The following DZIP1L variants were observed in gnomAD, a reference collection of about 807,000 sequenced individuals.
DZIP1L encodes the protein DAZ interacting zinc finger protein 1 like, also known as cilium assembly protein DZIP1L.
Under a neutral mutation model 88.7 loss-of-function variants are expected in DZIP1L, and 90 were observed. The ratio of observed to expected loss-of-function variants is 1.02; its 90% confidence interval spans 0.86 to 1.21. The LOEUF is 1.21. Ranked by LOEUF, DZIP1L falls within the 50% of genes most tolerant of loss-of-function variation. DZIP1L has a pLI of 0.00. For synonymous variants in DZIP1L, 363 were observed against 372.1 expected (o/e 0.98, Z 0.28); for missense variants, 932 against 955.8 (o/e 0.98, Z 0.33).
intron 7 of DZIP1L, 30 bp downstream of exon 7, chr3:138,086,931 A>G (rs752120638): frequency 6.1e-5 from 99 of 1,611,482 alleles, no homozygotes; most frequent in Non-Finnish European, 8.3e-5. Context: ...CAGGAAACCA[A>G]GCTCCCCGAG....
chr3:138,085,996 C>G (rs1943914285), intron 7 of DZIP1L, among the ~76,000 whole-genome samples: 2 of 151,952 alleles, frequency 1.3e-5, no homozygotes, highest in Non-Finnish European at 2.9e-5. Flanking sequence ...TCTCAGTAAA[C>G]TATCACAAGA....
At chr3:138,093,937 G>A (rs554455174) in intron 4 of DZIP1L, among the ~76,000 whole-genome samples, 46 of 152,280 alleles carry the variant, frequency 3.0e-4, no homozygotes, top group Non-Finnish European at 5.7e-4. Flanking sequence ...TGTGGTCAGT[G>A]GAGTAGTGCT....
chr3:138,083,180 T>C lies in DZIP1L; in HGVS notation c.1203+933A>G, dbSNP rs77857569. Among the ~76,000 whole-genome samples the C allele has an allele frequency of 5.7e-3, 871 of 152,354 alleles. 3 individuals are homozygous for C. Among genetic ancestry groups the C allele is most frequent in the Admixed American group, 9.0e-3 (137 of 15,306 alleles). The stretch of plus-strand genomic sequence containing the variant: ...GCAGGGAACACTGTGGAAACTCTGC[T>C]GTGGTTTCCTCCTTAGGAAACCTCC... On this transcript the variant is annotated intron_variant, in intron 8 of 15. Coordinates refer to ENST00000327532, the MANE Select transcript of DZIP1L (RefSeq NM_173543.3).
intron 7 of DZIP1L, among the ~76,000 whole-genome samples, chr3:138,085,870 A>G (rs1943907991): frequency 6.6e-6 from 1 of 152,212 alleles, no homozygotes; most frequent in Admixed American, 6.5e-5. Flanking sequence ...ATGTCCATCA[A>G]TGATAGACTG....
rs759643891 is a variant in DZIP1L at position 138,067,652 on chromosome 3, C to A, written c.1881G>T (p.Gln627His). 2 of 1,609,132 alleles carry A rather than the reference C, an allele frequency of 1.2e-6. No individual in the cohort carries two copies. Among genetic ancestry groups the A allele is most frequent in the African/African-American group, 1.3e-5 (1 of 74,714 alleles). Reference sequence around the variant, plus strand: ...CTTTTGGGGGCTGTAGAGACACACGCTGCACACGGTCTCCCTCTGAGTCCT... The same window carrying A: ...CTTTTGGGGGCTGTAGAGACACACGATGCACACGGTCTCCCTCTGAGTCCT... Reference protein sequence around the residue: ...SEEDSEGDRVQRVSLQPPKVP... With the variant: ...SEEDSEGDRVHRVSLQPPKVP... The change falls in exon 14 of 16, where the codon CAG becomes CAT. Residue 627 changes from glutamine (Q) to histidine (H), a missense_variant. Coordinates refer to ENST00000327532, the MANE Select transcript of DZIP1L (RefSeq NM_173543.3).
At chr3:138,094,278 G>A (rs1452509817) in intron 4 of DZIP1L, among the ~76,000 whole-genome samples, 1 of 152,210 alleles carries the variant, frequency 6.6e-6, no homozygotes, top group Non-Finnish European at 1.5e-5. Context: ...AAATGATGCT[G>A]ATAAACTTGC....
intron 1 of DZIP1L, among the ~76,000 whole-genome samples, chr3:138,109,920 A>C (rs186136242): frequency 1.3e-5 from 2 of 152,226 alleles, no homozygotes; most frequent in African/African-American, 4.8e-5. Flanking sequence ...GAGAACACAC[A>C]GACACAGGGA....
intron 1 of DZIP1L, among the ~76,000 whole-genome samples, chr3:138,105,769 A>G (rs2042466145): frequency 6.6e-6 from 1 of 152,116 alleles, no homozygotes; most frequent in Admixed American, 6.5e-5. Flanking sequence ...AAAGACTCAT[A>G]TTTGTTATAA....
chr3:138,086,895 G>T, intron 7 of DZIP1L, 66 bp downstream of exon 7: 1 of 1,547,050 alleles, frequency 6.5e-7, no homozygotes, highest in Non-Finnish European at 8.9e-7. Flanking sequence ...GGGGCGTGGA[G>T]AATGCTGAAT....
Position 138,065,261 on chromosome 3 carries a change from G to C in DZIP1L, c.2003-494C>G, listed in dbSNP as rs1942844362. ...AGATCCCTGATGCCTGGCACACCAAGGTAATGTATGAACCTCAGGAATGAC... is the reference window on the plus strand; with the variant it reads ...AGATCCCTGATGCCTGGCACACCAACGTAATGTATGAACCTCAGGAATGAC... On this transcript the variant is annotated intron_variant, in intron 14 of 15. Coordinates refer to ENST00000327532, the MANE Select transcript of DZIP1L (RefSeq NM_173543.3). Among the ~76,000 whole-genome samples, 3 of 152,150 alleles carry C rather than the reference G, an allele frequency of 2.0e-5. No individual in the cohort carries two copies. The South Asian group carries it at 6.2e-4, about 32-fold the overall frequency.
rs1559864261 is a variant in DZIP1L, at chr3:138,106,120, C to CTTCTTTCT, written c.-81-2076_-81-2069dup. ...GTCTTTCGAGATTACATGATTCAGT[C>CTTCTTTCT]TTCTTTCTTTTTTTTTTTTTTTTTT... On this transcript the variant is annotated intron_variant, in intron 1 of 15. Transcript: ENST00000327532. Among the ~76,000 whole-genome samples the CTTCTTTCT allele has an allele frequency of 2.6e-4, 30 of 117,478 alleles. 1 individual carries two copies. The highest frequency in any genetic ancestry group is 9.3e-4 in the African/African-American group (29 of 31,060). 77.1% of individuals were successfully genotyped at this position (117,478 alleles called of 152,430 possible).
chr3:138,093,397 G>A (rs963754926), intron 4 of DZIP1L, among the ~76,000 whole-genome samples: 1 of 152,206 alleles, frequency 6.6e-6, no homozygotes, highest in Non-Finnish European at 1.5e-5. Flanking sequence ...AGCACAGGTA[G>A]AGTAGAGCTA....
At chr3:138,071,993 G>T (rs952197739) in intron 11 of DZIP1L, among the ~76,000 whole-genome samples, 158 bp from the exon 12 acceptor site, 1 of 152,188 alleles carries the variant, frequency 6.6e-6, no homozygotes, top group Admixed American at 6.5e-5. Flanking sequence ...TCAGAGAAGG[G>T]TAAGCAGCGG....
At position 138,103,395 on chromosome 3, in the gene DZIP1L, G is replaced by A; in HGVS notation, c.501+76C>T. Reference sequence around the variant, plus strand: ...GCAGCCTTAAGGTCCCAGCAGTGCTGCCCAGTGGCAACAGTTGCCCCAGTG... The same window carrying A: ...GCAGCCTTAAGGTCCCAGCAGTGCTACCCAGTGGCAACAGTTGCCCCAGTG... On this transcript the variant is annotated intron_variant, in intron 2 of 15. Transcript: ENST00000327532. 10 of 1,494,650 alleles carry A rather than the reference G, an allele frequency of 6.7e-6. 1 individual carries two copies. In the South Asian group the frequency reaches 1.1e-4, roughly 17 times the overall value. 92.6% of individuals were successfully genotyped at this position (1,494,650 alleles called of 1,614,324 possible).
intron 11 of DZIP1L, among the ~76,000 whole-genome samples, chr3:138,073,827 T>C (rs756519615): frequency 1.3e-5 from 2 of 151,850 alleles, no homozygotes; most frequent in Non-Finnish European, 2.9e-5. Flanking sequence ...ATACAAGAGA[T>C]GAAAGGAAAA....
At chr3:138,080,241 A>T in intron 10 of DZIP1L, 1 of 237,584 alleles carries the variant, frequency 4.2e-6, no homozygotes, top group Non-Finnish European at 8.5e-6. Flanking sequence ...GCATAGTCGC[A>T]GGTGAGAGTC....
In DZIP1L at chr3:138,104,003, G is replaced by A. The variant is rs769639043; in HGVS notation, c.-32C>T. 2.5e-6 allele frequency: 4 copies of A among 1,582,472 alleles called. No individual in the cohort carries two copies. Among genetic ancestry groups the A allele is most frequent in the Admixed American group, 1.8e-5 (1 of 55,864 alleles). On this transcript the variant is annotated 5_prime_UTR_variant, in exon 2 of 16. Coordinates refer to ENST00000327532, the MANE Select transcript of DZIP1L (RefSeq NM_173543.3). Reference sequence around the variant, plus strand: ...AGGAAGCCCTGAGCTGACCACCAGAGGAGGGGGGCACCAAGGCCACGGCAG... The same window carrying A: ...AGGAAGCCCTGAGCTGACCACCAGAAGAGGGGGGCACCAAGGCCACGGCAG...
chr3:138,082,132 A>G lies in DZIP1L; in HGVS notation c.1204-368T>C, dbSNP rs139814777. Among the ~76,000 whole-genome samples, 279 of 152,344 alleles carry G rather than the reference A, an allele frequency of 1.8e-3. 1 individual carries two copies. The highest frequency in any genetic ancestry group is 5.8e-3 in the African/African-American group (243 of 41,578). ...GGCAAGGGAGAGGCTCCCTCCCACAATGCGGGCGTCTGAGCAGAGCACTCC... is the reference window on the plus strand; with the variant it reads ...GGCAAGGGAGAGGCTCCCTCCCACAGTGCGGGCGTCTGAGCAGAGCACTCC... On this transcript the variant is annotated intron_variant, in intron 8 of 15. Transcript: ENST00000327532.
rs1283666211 is a variant in DZIP1L at position 138,092,384 on chromosome 3, T to C, written c.869A>G (p.Glu290Gly). 4 of 1,554,158 alleles carry C rather than the reference T, an allele frequency of 2.6e-6. No individual in the cohort carries two copies. Among genetic ancestry groups the C allele is most frequent in the Non-Finnish European group, 3.5e-6 (4 of 1,158,894 alleles). ...NVAKQNSTLE[E>G]KLRALQSHSV... ...TAAAAAGCCTTTTATGTTGGGTACC[T>C]CTTCTAGTGTAGAGTTCTGCTTGGC... Residue 290 changes from glutamate to glycine, a missense_variant and splice_region_variant, in exon 5 of 16, where the codon GAG (glutamate) becomes GGG (glycine). Physicochemically the swap from Glu to Gly is moderately conservative, Grantham distance 98 (BLOSUM62 -2). Transcript: ENST00000327532.
Sources: gnomAD v4.1 joint callset for allele counts (sites outside exome capture counted in the v4.1 genomes callset) on GRCh38, gnomAD v4.1.1 for gene constraint, MANE v1.5 for transcripts, NCBI Gene and HGNC (gene_info 2026-07-23, HGNC 2026-07-21) for gene names.